Variants in PPARD observed in about 807,000 individuals in gnomAD.
PPARD encodes peroxisome proliferator-activated receptor delta.
Under a neutral mutation model 39.5 loss-of-function variants are expected in PPARD, and 6 were observed. The ratio of observed to expected loss-of-function variants is 0.15; its 90% CI spans 0.08 to 0.30. PPARD has a LOEUF of 0.30. Ranked by LOEUF, PPARD falls within the 10% of genes least tolerant of loss-of-function variation. PPARD has a pLI of 1.00. For missense variants in PPARD, 397 were observed against 596.8 expected (o/e 0.67, Z 3.49); for synonymous variants, 210 against 231.3 (o/e 0.91, Z 0.83).
At chr6:35,345,570 G>A (rs888907967) in intron 1 of PPARD, among the ~76,000 whole-genome samples, 1 of 152,148 alleles carries the variant, frequency 6.6e-6, no homozygotes, top group African/African-American at 2.4e-5. Flanking sequence ...TGCTCGTTCA[G>A]GTGCCTTTCT....
chr6:35,421,683 A>T lies in PPARD; in HGVS notation c.286-137A>T, dbSNP rs939986018. On this transcript the variant is annotated intron_variant, in intron 4 of 7. Coordinates refer to ENST00000360694, the MANE Select transcript of PPARD (RefSeq NM_006238.5). ...AGTTTTAGAATTACTTTCCTTCTCC[A>T]TCTCCCCTCCAAAAAAATTTCTTCT... is the stretch of plus-strand genomic sequence containing the variant. 20 of 863,924 alleles carry T rather than the reference A, an allele frequency of 2.3e-5. No individual in the cohort carries two copies. The Admixed American group carries it at 2.5e-4, about 11-fold the overall frequency. The allele number at this position is 863,924 out of a possible 1,614,324, so 53.5% of individuals were successfully genotyped here. A position where few individuals can be genotyped will look rare whatever the true frequency, so the allele number is the denominator to read the frequency against.
At chr6:35,382,753 A>T (rs1763220971) in intron 2 of PPARD, among the ~76,000 whole-genome samples, 1 of 152,196 alleles carries the variant, frequency 6.6e-6, no homozygotes, top group Admixed American at 6.5e-5. Context: ...TGCAATCCTT[A>T]TGAGGTTGTA....
At chr6:35,377,643 T>G (rs1406184244) in intron 2 of PPARD, among the ~76,000 whole-genome samples, 1 of 152,168 alleles carries the variant, frequency 6.6e-6, no homozygotes, top group African/African-American at 2.4e-5. Context: ...AATGGCAGCG[T>G]CCGGCATGCA....
chr6:35,412,337 G>A lies in PPARD; in HGVS notation c.130+1120G>A, dbSNP rs1443736792. Among the ~76,000 whole-genome samples the A allele has an allele frequency of 6.6e-6, 1 of 152,214 alleles. No homozygotes were observed. Among genetic ancestry groups the A allele is most frequent in the African/African-American group, 2.4e-5 (1 of 41,442 alleles). On this transcript the variant is annotated intron_variant, in intron 3 of 7. Coordinates refer to ENST00000360694, the MANE Select transcript of PPARD (RefSeq NM_006238.5). This position sits in a 1 kb window ranked among gnomAD's most constrained non-coding sequence, Gnocchi z 4.1. ...CTCCTCCCCTTAGAGGGAACTCAGG[G>A]TCATAAGGATATACTGCTGGGAGTA...
chr6:35,350,463 A>G (rs906013371), intron 2 of PPARD, among the ~76,000 whole-genome samples: 4 of 152,100 alleles, frequency 2.6e-5, no homozygotes, highest in African/African-American at 9.7e-5. Flanking sequence ...ATTCATCTCC[A>G]TATGAATATC....
In PPARD at chr6:35,412,205, A is replaced by G. The variant is rs1348755543; in HGVS notation, c.130+988A>G. Among the ~76,000 whole-genome samples, 1 of 152,132 alleles carries G rather than the reference A, an allele frequency of 6.6e-6. No individual in the cohort carries two copies. The highest frequency in any genetic ancestry group is 2.4e-5 in the African/African-American group (1 of 41,410). On this transcript the variant is annotated intron_variant, in intron 3 of 7. Coordinates refer to ENST00000360694, the MANE Select transcript of PPARD (RefSeq NM_006238.5). This position sits in a 1 kb window ranked among gnomAD's most constrained non-coding sequence, Gnocchi z 4.1. Reference sequence around the variant, plus strand: ...CTCAGCCTCCCAAAGTGCTGGGATTACAAGCAGGAGCCACCGCGCCTGGCC... The same window carrying G: ...CTCAGCCTCCCAAAGTGCTGGGATTGCAAGCAGGAGCCACCGCGCCTGGCC...
intron 2 of PPARD, among the ~76,000 whole-genome samples, chr6:35,361,240 A>G (rs1186232016): frequency 1.3e-5 from 2 of 152,186 alleles, no homozygotes; most frequent in Non-Finnish European, 2.9e-5. Flanking sequence ...GAGCTCATAC[A>G]TGTAAAGGCA....
At position 35,405,070 on chromosome 6, in the gene PPARD, AT is replaced by A. The variant is rs1562211298; in HGVS notation, c.-101-5911del. ...TTTTGCAAGAAATCCTTTTATTTTTATTTTTTGAGATGGAGTCTTGCTCTGT... is the reference window on the plus strand; with the variant it reads ...TTTTGCAAGAAATCCTTTTATTTTTATTTTTGAGATGGAGTCTTGCTCTGT... On this transcript the variant is annotated intron_variant, in intron 2 of 7. Coordinates refer to ENST00000360694, the MANE Select transcript of PPARD (RefSeq NM_006238.5). Among the ~76,000 whole-genome samples the A allele has an allele frequency of 2.7e-5, 4 of 150,704 alleles. No homozygotes were observed. In the South Asian group the frequency reaches 8.4e-4, roughly 32 times the overall value.
intron 1 of PPARD, among the ~76,000 whole-genome samples, chr6:35,345,412 A>G (rs1260020334): frequency 2.6e-5 from 4 of 152,134 alleles, no homozygotes; most frequent in African/African-American, 7.2e-5. Context: ...CAGCCTCCAG[A>G]GTAGCGGGGA....
rs1269696758 is a variant in PPARD, at chr6:35,401,332, C to T, written c.-101-9655C>T. ...AGGTTTGCTGTAACTATTGCTCCTCCGAGCCTGGCTGAAATCATCTTCAGT... is the reference window on the plus strand; with the variant it reads ...AGGTTTGCTGTAACTATTGCTCCTCTGAGCCTGGCTGAAATCATCTTCAGT... On this transcript the variant is annotated intron_variant, in intron 2 of 7. Coordinates refer to ENST00000360694, the MANE Select transcript of PPARD (RefSeq NM_006238.5). This position sits in a 1 kb window ranked among gnomAD's most constrained non-coding sequence, Gnocchi z 4.1. Among the ~76,000 whole-genome samples the T allele has an allele frequency of 6.6e-6, 1 of 152,140 alleles. No individual in the cohort carries two copies. Among genetic ancestry groups the T allele is most frequent in the Admixed American group, 6.5e-5 (1 of 15,280 alleles).
intron 2 of PPARD, among the ~76,000 whole-genome samples, chr6:35,384,115 C>T (rs1431227059): frequency 1.2e-4 from 17 of 147,190 alleles, no homozygotes; most frequent in African/African-American, 3.5e-4. Context: ...CCCGGCCAGC[C>T]GCCCCGTCCG....
At chr6:35,345,754 C>T (rs1203189076) in intron 1 of PPARD, among the ~76,000 whole-genome samples, 6 of 152,064 alleles carry the variant, frequency 3.9e-5, no homozygotes, top group Non-Finnish European at 7.4e-5. Flanking sequence ...TAGGCCTCTG[C>T]TTTGGGCCTA....
chr6:35,348,819 G>A (rs1012712235), intron 2 of PPARD: 4 of 985,300 alleles, frequency 4.1e-6, no homozygotes, highest in Non-Finnish European at 4.8e-6. Context: ...GAGTTTCAGA[G>A]ACTTCTGAGG....
intron 2 of PPARD, among the ~76,000 whole-genome samples, chr6:35,376,769 C>G (rs1326841976): frequency 6.6e-6 from 1 of 150,634 alleles, no homozygotes; most frequent in African/African-American, 2.4e-5. Flanking sequence ...ACCTGTAATC[C>G]CAGCACTTTG....
chr6:35,358,564 G>A (rs1208725260), intron 2 of PPARD, among the ~76,000 whole-genome samples: 1 of 152,182 alleles, frequency 6.6e-6, no homozygotes, highest in Non-Finnish European at 1.5e-5. Context: ...ATGGCACAAG[G>A]AGAGCATAGG....
At position 35,424,182 on chromosome 6, in the gene PPARD, C is replaced by T; in HGVS notation, c.627+34C>T. 1 of 1,608,454 alleles carries T rather than the reference C, an allele frequency of 6.2e-7. No individual in the cohort carries two copies. Among genetic ancestry groups the T allele is most frequent in the South Asian group, 1.1e-5 (1 of 90,868 alleles). The stretch of plus-strand genomic sequence containing the variant: ...TGCTGCTGCTTGGCCTGGCAGCATC[C>T]TGGGCTCTGGGTCCCACTGCCGCCT... On this transcript the variant is annotated intron_variant, in intron 6 of 7. Coordinates refer to ENST00000360694, the MANE Select transcript of PPARD (RefSeq NM_006238.5). This position sits in a 1 kb window ranked among gnomAD's most constrained non-coding sequence, Gnocchi z 7.1.
chr6:35,352,749 G>A (rs1761341493), intron 2 of PPARD, among the ~76,000 whole-genome samples: 1 of 152,278 alleles, frequency 6.6e-6, no homozygotes, highest in South Asian at 2.1e-4. Context: ...GCTGTTGAAT[G>A]GAGTGCGTAT....
Position 35,404,549 on chromosome 6 carries a change from C to T in PPARD, c.-101-6438C>T, listed in dbSNP as rs140783338. On this transcript the variant is annotated intron_variant, in intron 2 of 7. Coordinates refer to ENST00000360694, the MANE Select transcript of PPARD (RefSeq NM_006238.5). Reference sequence around the variant, plus strand: ...TGGGTAGGGCAGAAGTGTTCCCACACCGTACAGCCTGCCAGTGGGCATCAG... The same window carrying T: ...TGGGTAGGGCAGAAGTGTTCCCACATCGTACAGCCTGCCAGTGGGCATCAG... Among the ~76,000 whole-genome samples the T allele has an allele frequency of 9.7e-4, 148 of 152,334 alleles. 1 individual carries two copies. Among genetic ancestry groups the T allele is most frequent in the African/African-American group, 3.4e-3 (143 of 41,568 alleles).
chr6:35,361,891 A>G (rs1403150371), intron 2 of PPARD, among the ~76,000 whole-genome samples: 1 of 152,222 alleles, frequency 6.6e-6, no homozygotes, highest in Non-Finnish European at 1.5e-5. Flanking sequence ...TTATCTGACT[A>G]GTAATAAACA....
Sources: allele counts gnomAD v4.1 joint callset (sites outside exome capture counted in the v4.1 genomes callset), GRCh38; gene constraint gnomAD v4.1.1; non-coding constraint Gnocchi (gnomAD v3.1); transcripts MANE v1.5; gene names NCBI Gene and HGNC (gene_info 2026-07-23, HGNC 2026-07-21).